The following BLTP3B variants were observed in gnomAD, a reference collection of about 807,000 sequenced individuals.
BLTP3B encodes the protein UHRF1 (ICBP90) binding protein 1-like.
At chr12:100,125,258 G>A in the BLTP3B span, among the ~76,000 whole-genome samples, 5 of 149,196 alleles carry the variant, frequency 3.4e-5, no homozygotes, top group Non-Finnish European at 5.9e-5. Context: ...GCTAGAACCC[G>A]GGAGGCAGAG....
the BLTP3B span, among the ~76,000 whole-genome samples, chr12:100,105,273 G>A: frequency 2.0e-5 from 3 of 152,206 alleles, no homozygotes; most frequent in Non-Finnish European, 4.4e-5. Flanking sequence ...GCATGGAACA[G>A]GTGTAAAAAT....
chr12:100,120,498 T>C, the BLTP3B span, among the ~76,000 whole-genome samples: 1 of 152,128 alleles, frequency 6.6e-6, no homozygotes, highest in Admixed American at 6.6e-5. Flanking sequence ...ATTAGAAAAC[T>C]GCAAATTAAA....
At chr12:100,088,034 G>A in the BLTP3B span, among the ~76,000 whole-genome samples, 2 of 152,116 alleles carry the variant, frequency 1.3e-5, no homozygotes, top group African/African-American at 4.8e-5. Flanking sequence ...TTTTAGGCTG[G>A]AATCTTTTAG....
chr12:100,106,125 A>G, the BLTP3B span, among the ~76,000 whole-genome samples: 1 of 152,184 alleles, frequency 6.6e-6, no homozygotes, highest in African/African-American at 2.4e-5. Context: ...AGTTAGTACA[A>G]CCTCAATAGA....
chr12:100,142,819 AGGCCGCCAC>A, the BLTP3B span: 8 of 826,420 alleles, frequency 9.7e-6, no homozygotes, highest in Admixed American at 1.4e-4. Flanking sequence ...CATCACGCTC[AGGCCGCCAC>A]GGCCGCCGCG....
chr12:100,108,353 A>C, the BLTP3B span: 2 of 1,587,624 alleles, frequency 1.3e-6, no homozygotes, highest in Non-Finnish European at 1.7e-6. Flanking sequence ...AAGGCCTTCC[A>C]CAAATATCAA....
At chr12:100,061,312 C>T in the BLTP3B span, among the ~76,000 whole-genome samples, 36,220 of 151,974 alleles carry the variant, frequency 0.24, 5,880 homozygotes, top group African/African-American at 0.46. Flanking sequence ...GAAAGAACCC[C>T]GATAGCAGAT....
chr12:100,102,655 T>C, the BLTP3B span: 1 of 721,232 alleles, frequency 1.4e-6, no homozygotes, highest in Middle Eastern at 2.6e-4. Flanking sequence ...TTGTAAAATG[T>C]TTGATGGGAG....
the BLTP3B span, chr12:100,047,395 GGTTTA>G: frequency 1.7e-6 from 1 of 585,658 alleles, no homozygotes; most frequent in Non-Finnish European, 3.0e-6. Flanking sequence ...CTACTCGGGA[GGTTTA>G]GGTAGGAGAA....
the BLTP3B span, among the ~76,000 whole-genome samples, chr12:100,067,336 A>G: frequency 6.6e-6 from 1 of 152,176 alleles, no homozygotes; most frequent in African/African-American, 2.4e-5. Context: ...GCAATGACCA[A>G]TATCAGAGAA....
chr12:100,095,783 A>G, the BLTP3B span: 10 of 1,613,364 alleles, frequency 6.2e-6, no homozygotes, highest in South Asian at 5.5e-5. Context: ...AAAACCCATA[A>G]TAAGTCATCC....
the BLTP3B span, among the ~76,000 whole-genome samples, chr12:100,135,833 T>A: frequency 6.6e-6 from 1 of 152,172 alleles, no homozygotes. Flanking sequence ...CAATATTTGG[T>A]ACAAGGCAGG....
chr12:100,040,897 G>A, the BLTP3B span, among the ~76,000 whole-genome samples: 11 of 152,054 alleles, frequency 7.2e-5, no homozygotes, highest in Non-Finnish European at 2.9e-5. Context: ...AACATTTAAA[G>A]AATAATATCA....
At chr12:100,124,974 A>ATATATATATATATATATT in the BLTP3B span, among the ~76,000 whole-genome samples, 5 of 100,398 alleles carry the variant, frequency 5.0e-5, no homozygotes, top group African/African-American at 2.8e-4. Flanking sequence ...ATATATATAT[A>ATATATATATATATATATT]TATATTTATA....
chr12:100,138,482 TAGAACGTCTAGC>T, the BLTP3B span, among the ~76,000 whole-genome samples: 1 of 152,230 alleles, frequency 6.6e-6, no homozygotes, highest in South Asian at 2.1e-4. Flanking sequence ...CTGTGCAATG[TAGAACGTCTAGC>T]AGCATCCCTG....
At chr12:100,127,252 A>G in the BLTP3B span, among the ~76,000 whole-genome samples, 1 of 152,226 alleles carries the variant, frequency 6.6e-6, no homozygotes. Context: ...AGTGAATCTC[A>G]AAGGTTTCCA....
At chr12:100,057,035 T>G in the BLTP3B span, among the ~76,000 whole-genome samples, 1 of 152,156 alleles carries the variant, frequency 6.6e-6, no homozygotes, top group Non-Finnish European at 1.5e-5. Context: ...TGTCTCTCAA[T>G]AAAATGGGAA....
the BLTP3B span, among the ~76,000 whole-genome samples, chr12:100,136,295 C>T: frequency 6.6e-6 from 1 of 151,240 alleles, no homozygotes; most frequent in Non-Finnish European, 1.5e-5. Flanking sequence ...TTCCTAGTTG[C>T]AAAATCTAAC....
At chr12:100,095,707 G>T in the BLTP3B span, 1 of 1,613,140 alleles carries the variant, frequency 6.2e-7, no homozygotes, top group South Asian at 1.1e-5. Context: ...TTGTTCTGTT[G>T]ATTTTTCTAT....
Sources: allele counts gnomAD v4.1 joint callset (sites outside exome capture counted in the v4.1 genomes callset), GRCh38; gene constraint gnomAD v4.1.1; transcripts MANE v1.5; gene names NCBI Gene and HGNC (gene_info 2026-07-23, HGNC 2026-07-21).